HAO1: variants seen among roughly 807,000 people sequenced by gnomAD.
HAO1 encodes hydroxyacid oxidase 1, also known as 2-Hydroxyacid oxidase 1.
A neutral mutation model predicts 39.7 loss-of-function variants in HAO1; 34 were observed. That is an observed-to-expected ratio of 0.86 (90% CI 0.65 to 1.14). The LOEUF is 1.14. HAO1 is among the 50% of genes most tolerant of loss of function. The pLI, the probability that HAO1 is intolerant of heterozygous loss-of-function variation, is 0.00. For missense variants in HAO1, 479 were observed against 464.5 expected (o/e 1.03, Z -0.29); for synonymous variants, 172 against 173.2 (o/e 0.99, Z 0.05).
At chr20:7,926,821 G>A (rs1428688236) in intron 2 of HAO1, among the ~76,000 whole-genome samples, 1 of 151,694 alleles carries the variant, frequency 6.6e-6, no homozygotes, top group Non-Finnish European at 1.5e-5. Flanking sequence ...ATCCAGTGTG[G>A]TAGCCTCTAA....
At chr20:7,928,050 T>G (rs2122792888) in intron 2 of HAO1, among the ~76,000 whole-genome samples, 1 of 152,342 alleles carries the variant, frequency 6.6e-6, no homozygotes, top group African/African-American at 2.4e-5. Flanking sequence ...CTGGTGATCA[T>G]CATTTTTCAC....
chr20:7,906,598 G>T (rs993740261), intron 3 of HAO1, among the ~76,000 whole-genome samples: 1 of 151,688 alleles, frequency 6.6e-6, no homozygotes, highest in African/African-American at 2.4e-5. Flanking sequence ...AAAAAAAAAT[G>T]TGTTCATATT....
At chr20:7,892,641 TCTATATAATAACTACCA>T (rs1291036766) in intron 5 of HAO1, among the ~76,000 whole-genome samples, 1 of 152,092 alleles carries the variant, frequency 6.6e-6, no homozygotes, top group Non-Finnish European at 1.5e-5. Context: ...ATTCCAACCA[TCTATATAATAACTACCA>T]CTGAAGGGTT....
chr20:7,907,888 A>G (rs2050256142), intron 3 of HAO1, among the ~76,000 whole-genome samples: 1 of 152,002 alleles, frequency 6.6e-6, no homozygotes, highest in African/African-American at 2.4e-5. Context: ...TCAGTTGCAA[A>G]CTTCTCCTGA....
At chr20:7,898,626 T>C (rs1366226867) in intron 4 of HAO1, among the ~76,000 whole-genome samples, 1 of 152,166 alleles carries the variant, frequency 6.6e-6, no homozygotes, top group Non-Finnish European at 1.5e-5. Context: ...AATAAAAATG[T>C]TCTAGATCTG....
chr20:7,890,209 T>G (rs905545257), intron 5 of HAO1, among the ~76,000 whole-genome samples: 1 of 151,986 alleles, frequency 6.6e-6, no homozygotes, highest in South Asian at 2.1e-4. Context: ...TGGTTTGTTT[T>G]TTTTTGTTTT....
intron 5 of HAO1, among the ~76,000 whole-genome samples, chr20:7,886,152 A>G (rs1032685880): frequency 2.6e-5 from 4 of 152,072 alleles, no homozygotes; most frequent in African/African-American, 9.7e-5. Flanking sequence ...AATTATAAAC[A>G]TAAAACACTT....
chr20:7,910,299 G>C (rs2050272647), intron 3 of HAO1, among the ~76,000 whole-genome samples: 1 of 152,188 alleles, frequency 6.6e-6, no homozygotes, highest in Admixed American at 6.5e-5. Context: ...CTTTAAGTAT[G>C]TATGGTAACC....
chr20:7,938,354 C>T (rs1399203158), intron 1 of HAO1, among the ~76,000 whole-genome samples: 1 of 150,266 alleles, frequency 6.7e-6, no homozygotes, highest in Non-Finnish European at 1.5e-5. Flanking sequence ...ATAGCATCAG[C>T]TGTCCTCCAA....
chr20:7,904,635 T>C (rs1418906283), intron 4 of HAO1, among the ~76,000 whole-genome samples: 1 of 152,224 alleles, frequency 6.6e-6, no homozygotes, highest in African/African-American at 2.4e-5. Flanking sequence ...CTATGCAACA[T>C]TTTATTGCAC....
intron 1 of HAO1, among the ~76,000 whole-genome samples, chr20:7,935,324 C>G (rs752927090): frequency 2.4e-4 from 36 of 152,298 alleles, no homozygotes; most frequent in Non-Finnish European, 4.6e-4. Flanking sequence ...CAAACATTCA[C>G]GTACAGGTTC....
intron 2 of HAO1, among the ~76,000 whole-genome samples, chr20:7,924,233 T>G (rs2050349041): frequency 6.6e-6 from 1 of 152,052 alleles, no homozygotes; most frequent in South Asian, 2.1e-4. Flanking sequence ...GTTGTTTGTT[T>G]GTTTAGCTTG....
intron 2 of HAO1, among the ~76,000 whole-genome samples, chr20:7,923,245 G>A (rs1296662668): frequency 2.6e-5 from 4 of 152,270 alleles, no homozygotes; most frequent in Admixed American, 2.6e-4. Flanking sequence ...CAGGTAAACA[G>A]CTTTGGAAAA....
chr20:7,936,550 G>GTGTGTGTGTGTGTGTGTGTGTGTT (rs1292549632), intron 1 of HAO1, among the ~76,000 whole-genome samples: 27 of 141,060 alleles, frequency 1.9e-4, no homozygotes, highest in African/African-American at 6.2e-4. Context: ...GTGTGTGTTC[G>GTGTGTGTGTGTGTGTGTGTGTGTT]CGCGCGCGCG....
At chr20:7,906,124 G>C in intron 4 of HAO1, 30 bp downstream of exon 4, 2 of 1,465,358 alleles carry the variant, frequency 1.4e-6, no homozygotes, top group Non-Finnish European at 1.9e-6. Flanking sequence ...CACAAAGTCA[G>C]TATGAATTCA....
intron 4 of HAO1, among the ~76,000 whole-genome samples, chr20:7,895,790 G>GGGCAAAA (rs2050194679): frequency 6.6e-6 from 1 of 152,190 alleles, no homozygotes; most frequent in Non-Finnish European, 1.5e-5. Flanking sequence ...GCTCATGCCT[G>GGGCAAAA]TAATCACAGC....
At chr20:7,918,994 ATG>A (rs1308330661) in intron 2 of HAO1, among the ~76,000 whole-genome samples, 1 of 152,178 alleles carries the variant, frequency 6.6e-6, no homozygotes, top group Non-Finnish European at 1.5e-5. Flanking sequence ...CTTGCTCCCA[ATG>A]TGTGGCTATG....
intron 4 of HAO1, among the ~76,000 whole-genome samples, chr20:7,905,154 T>C (rs2050241529): frequency 2.6e-5 from 4 of 151,806 alleles, no homozygotes; most frequent in South Asian, 4.1e-4. Context: ...AACTATTATA[T>C]ATCGATTTAA....
intron 3 of HAO1, among the ~76,000 whole-genome samples, chr20:7,910,848 G>T (rs919751093): frequency 8.5e-5 from 13 of 152,124 alleles, no homozygotes; most frequent in African/African-American, 2.9e-4. Flanking sequence ...CCATTTAAGA[G>T]GCTACTGTGC....
Sources: allele counts gnomAD v4.1 joint callset (sites outside exome capture counted in the v4.1 genomes callset), GRCh38; gene constraint gnomAD v4.1.1; transcripts MANE v1.5; gene names NCBI Gene and HGNC (gene_info 2026-07-23, HGNC 2026-07-21).